ELOVL2: variants seen among roughly 807,000 people sequenced by gnomAD.
ELOVL2 encodes the protein ELOVL fatty acid elongase 2.
ELOVL2 carries 38 observed loss-of-function variants against 37.7 expected under a neutral mutation model. That is an observed-to-expected ratio of 1.01 (90% CI 0.78 to 1.32). The LOEUF (loss-of-function observed/expected upper bound fraction) is 1.32. Among genes scored for constraint, ELOVL2 ranks in the 40% most tolerant of loss-of-function variants. ELOVL2 has a pLI of 0.00. For synonymous variants in ELOVL2, 115 were observed against 122.3 expected, an observed-to-expected ratio of 0.94 and a Z score of 0.40; for missense variants, 352 against 363.6, an observed-to-expected ratio of 0.97 and a Z score of 0.26.
At chr6:10,995,788 T>A (rs942698563) in intron 4 of ELOVL2, among the ~76,000 whole-genome samples, 5 of 152,224 alleles carry the variant, frequency 3.3e-5, no homozygotes, top group Admixed American at 6.5e-5. Flanking sequence ...ATCAATAGAT[T>A]GCAAATCACT....
At position 11,018,476 on chromosome 6, in the gene ELOVL2, C is replaced by T. The variant is rs529528186; in HGVS notation, c.4-7667G>A. On this transcript the variant is annotated intron_variant, in intron 1 of 7. Transcript: ENST00000354666. ...TACACAAGAAGTATGGAGACACCAT[C>T]TTTATGGACTTTTTAAAGCTTTCAT... Among the ~76,000 whole-genome samples the T allele has an allele frequency of 1.5e-3, 233 of 152,306 alleles. 2 individuals carry two copies. Among genetic ancestry groups the T allele is most frequent in the Non-Finnish European group, 2.5e-3 (172 of 68,034 alleles).
At chr6:11,042,347 G>A (rs1783111400) in intron 1 of ELOVL2, among the ~76,000 whole-genome samples, 1 of 151,752 alleles carries the variant, frequency 6.6e-6, no homozygotes, top group African/African-American at 2.4e-5. Context: ...ATACAATTTG[G>A]ATTTGGGTAT....
intron 4 of ELOVL2, 128 bp downstream of exon 4, chr6:10,999,959 T>C (rs1782350232): frequency 1.3e-6 from 1 of 782,946 alleles, no homozygotes; most frequent in East Asian, 2.6e-5. Context: ...TTACCAAGCA[T>C]TTCTATTAGA....
At position 10,990,325 on chromosome 6, in the gene ELOVL2, G is replaced by C. The variant is rs1228631398; in HGVS notation, c.623C>G (p.Ala208Gly). 6.2e-7 allele frequency: 1 copy of C among 1,611,990 alleles called. No homozygotes were observed. Among genetic ancestry groups the C allele is most frequent in the Admixed American group, 1.7e-5 (1 of 59,592 alleles). ...AAAGAAGGGACAACATACCAGCTGA[G>C]CCTGTGTGAGATATTTCTTCCACCA... ...YLWWKKYLTQ[A>G]QLVQFVLTIT... Residue 208 changes from alanine to glycine, a missense_variant, in exon 6 of 8, where the codon GCT becomes GGT. Physicochemically the swap from Ala to Gly is moderately conservative, Grantham distance 60. Coordinates refer to ENST00000354666, the MANE Select transcript of ELOVL2 (RefSeq NM_017770.4).
At chr6:11,037,537 A>C (rs944898526) in intron 1 of ELOVL2, among the ~76,000 whole-genome samples, 1 of 114,560 alleles carries the variant, frequency 8.7e-6, no homozygotes, top group Non-Finnish European at 1.8e-5. Flanking sequence ...CACTCGTTCT[A>C]CTAAAAAAAA....
At chr6:10,995,519 G>C (rs371762144) in intron 4 of ELOVL2, among the ~76,000 whole-genome samples, 3 of 152,138 alleles carry the variant, frequency 2.0e-5, no homozygotes, top group African/African-American at 7.2e-5. Context: ...TCCCCACCAC[G>C]GTGTCCTGTG....
chr6:11,036,396 T>A (rs1783005738), intron 1 of ELOVL2, among the ~76,000 whole-genome samples: 1 of 152,172 alleles, frequency 6.6e-6, no homozygotes, highest in Admixed American at 6.5e-5. Flanking sequence ...AAATGACTTG[T>A]GATATATGCC....
intron 1 of ELOVL2, among the ~76,000 whole-genome samples, chr6:11,017,813 G>A (rs983169968): frequency 2.6e-5 from 4 of 152,088 alleles, no homozygotes; most frequent in Non-Finnish European, 4.4e-5. Flanking sequence ...GTATTGGCTG[G>A]GTCCTCCACT....
intron 3 of ELOVL2, among the ~76,000 whole-genome samples, chr6:11,001,690 C>T (rs765162220): frequency 6.6e-6 from 1 of 152,180 alleles, no homozygotes; most frequent in Non-Finnish European, 1.5e-5. Context: ...TCCGGGCTGT[C>T]CCCATTCCTG....
chr6:11,025,297 A>T (rs991619950), intron 1 of ELOVL2, among the ~76,000 whole-genome samples: 1 of 152,228 alleles, frequency 6.6e-6, no homozygotes, highest in Non-Finnish European at 1.5e-5. Flanking sequence ...TACTAAAAAT[A>T]AGAATATAAA....
rs914023978 is a variant in ELOVL2, at chr6:10,981,757, A to T, written c.*2024T>A. 2.0e-5 allele frequency: 3 copies of T among 152,176 alleles called. No homozygotes were observed. The highest frequency in any genetic ancestry group is 7.2e-5 in the African/African-American group (3 of 41,440). The allele number at this position is 152,176 out of a possible 1,614,324, so 9.4% of individuals were successfully genotyped here. ...GGCACGTAAGAATAAGCTGAATGTG[A>T]TGACCAGTGAGCATATTAGACCAGT... On this transcript the variant is annotated 3_prime_UTR_variant, in exon 8 of 8. Transcript: ENST00000354666.
chr6:11,009,313 T>G (rs1782531235), intron 2 of ELOVL2, among the ~76,000 whole-genome samples: 1 of 152,158 alleles, frequency 6.6e-6, no homozygotes, highest in Non-Finnish European at 1.5e-5. Flanking sequence ...TATACACCTA[T>G]GGAAAATTTA....
At chr6:11,006,992 G>C (rs1254244624) in intron 2 of ELOVL2, among the ~76,000 whole-genome samples, 1 of 152,178 alleles carries the variant, frequency 6.6e-6, no homozygotes, top group African/African-American at 2.4e-5. Flanking sequence ...TATTATTATG[G>C]CTATGATACT....
At chr6:11,010,604 A>T (rs1194222882) in intron 2 of ELOVL2, 142 bp downstream of exon 2, 2 of 708,044 alleles carry the variant, frequency 2.8e-6, no homozygotes, top group Non-Finnish European at 4.8e-6. Flanking sequence ...CTGGAAGGAT[A>T]TCAAAGTTGA....
intron 1 of ELOVL2, among the ~76,000 whole-genome samples, chr6:11,020,710 T>TGGTCAGATTG (rs1782753707): frequency 2.0e-5 from 3 of 152,224 alleles, no homozygotes; most frequent in Admixed American, 6.5e-5. Flanking sequence ...CAGTAGTCTG[T>TGGTCAGATTG]CCTAAGTGCT....
chr6:11,017,586 C>T (rs567489593), intron 1 of ELOVL2, among the ~76,000 whole-genome samples: 19 of 152,312 alleles, frequency 1.2e-4, no homozygotes, highest in African/African-American at 4.6e-4. Context: ...TTATGCTCCA[C>T]TTCCCACACA....
intron 7 of ELOVL2, among the ~76,000 whole-genome samples, chr6:10,986,147 T>C (rs1346500649): frequency 3.3e-5 from 5 of 152,248 alleles, no homozygotes; most frequent in Admixed American, 2.0e-4. Flanking sequence ...TGGCTCTCTG[T>C]TTGTCTGTTA....
At chr6:11,026,279 G>A (rs901622129) in intron 1 of ELOVL2, among the ~76,000 whole-genome samples, 1 of 152,162 alleles carries the variant, frequency 6.6e-6, no homozygotes, top group African/African-American at 2.4e-5. Flanking sequence ...AGAAGGAGAT[G>A]TTAGACTATG....
rs537092360 is a variant in ELOVL2, at chr6:10,981,108, C to T, written c.*2673G>A. 11 of 152,146 alleles carry T rather than the reference C, an allele frequency of 7.2e-5. No homozygotes were observed. The East Asian group carries it at 9.6e-4, about 13-fold the overall frequency. The allele number at this position is 152,146 out of a possible 1,614,324, so 9.4% of individuals were successfully genotyped here. A position where few individuals can be genotyped will look rare whatever the true frequency, so the allele number is the denominator to read the frequency against. The stretch of plus-strand genomic sequence containing the variant: ...TACCCCGTAACATGCCTAAGTGGTT[C>T]GATATATAATTTTGATGGCTTGACA... On this transcript the variant is annotated 3_prime_UTR_variant, in exon 8 of 8. Transcript: ENST00000354666.
Sources: gnomAD v4.1 joint callset for allele counts (sites outside exome capture counted in the v4.1 genomes callset) on GRCh38, gnomAD v4.1.1 for gene constraint, MANE v1.5 for transcripts, NCBI Gene and HGNC (gene_info 2026-07-23, HGNC 2026-07-21) for gene names.